MEIS2: variants seen among roughly 807,000 people sequenced by gnomAD.
The protein encoded by MEIS2 is Meis homeobox 2, also known as homeobox protein Meis2.
A neutral mutation model predicts 58.6 loss-of-function variants in MEIS2; 9 were observed. That is an observed-to-expected ratio of 0.15 (90% confidence interval 0.09 to 0.27). MEIS2 has a LOEUF of 0.27. Ranked by LOEUF, MEIS2 falls within the 10% of genes least tolerant of loss-of-function variation. MEIS2 has a pLI of 1.00. For synonymous variants in MEIS2, 221 were observed against 228.4 expected, an observed-to-expected ratio of 0.97 and a Z score of 0.29; for missense variants, 427 against 635.0, an observed-to-expected ratio of 0.67 and a Z score of 3.52.
At chr15:37,058,952 A>C (rs1434583290) in intron 7 of MEIS2, among the ~76,000 whole-genome samples, 1 of 152,172 alleles carries the variant, frequency 6.6e-6, no homozygotes, top group Non-Finnish European at 1.5e-5. Context: ...GAAAAAAATG[A>C]TCTAAAAGAA....
chr15:37,099,190 T>G (rs1463504603), intron 1 of MEIS2: 2 of 1,404,662 alleles, frequency 1.4e-6, no homozygotes, highest in Non-Finnish European at 1.9e-6. Flanking sequence ...CACACACCAC[T>G]CACACGCACT....
intron 9 of MEIS2, among the ~76,000 whole-genome samples, chr15:36,939,282 A>T (rs1056454415): frequency 6.6e-6 from 1 of 152,228 alleles, no homozygotes; most frequent in African/African-American, 2.4e-5. Context: ...ACTAAGAGTT[A>T]TACACTGCGG....
intron 8 of MEIS2, among the ~76,000 whole-genome samples, chr15:36,971,328 G>A (rs2059550148): frequency 6.6e-6 from 1 of 151,784 alleles, no homozygotes; most frequent in Non-Finnish European, 1.5e-5. Context: ...TCTAAGAAAT[G>A]CTTAAGCATC....
intron 8 of MEIS2, among the ~76,000 whole-genome samples, chr15:36,973,585 T>G (rs915044350): frequency 6.6e-6 from 1 of 152,184 alleles, no homozygotes; most frequent in Non-Finnish European, 1.5e-5. Context: ...ACCCAAAGCG[T>G]TCATCTATTT....
chr15:36,916,877 T>A (rs1298012809), intron 9 of MEIS2, among the ~76,000 whole-genome samples: 1 of 151,920 alleles, frequency 6.6e-6, no homozygotes, highest in Non-Finnish European at 1.5e-5. Flanking sequence ...CCCTATGGAG[T>A]GGATAACATT....
At position 37,049,468 on chromosome 15, in the gene MEIS2, G is replaced by GT. The variant is rs965280324; in HGVS notation, c.755-12510dup. On this transcript the variant is annotated intron_variant, in intron 7 of 11. Transcript: ENST00000561208. ...TATATCTCAATAAAGTTGTGGTTTTGTTTTTTTTGTTTTTGTTTTTGTTTT... is the reference window on the plus strand; with the variant it reads ...TATATCTCAATAAAGTTGTGGTTTTGTTTTTTTTTGTTTTTGTTTTTGTTTT... 3.1e-4 allele frequency among the ~76,000 whole-genome samples: 46 copies of GT among 147,634 alleles called. 1 individual carries two copies. The highest frequency in any genetic ancestry group is 1.0e-3 in the African/African-American group (41 of 40,978).
At chr15:37,023,071 T>C (rs1001913089) in intron 8 of MEIS2, among the ~76,000 whole-genome samples, 3 of 152,198 alleles carry the variant, frequency 2.0e-5, no homozygotes, top group Non-Finnish European at 4.4e-5. Flanking sequence ...CTTTATTTTG[T>C]ATATGCTGTT....
intron 7 of MEIS2, among the ~76,000 whole-genome samples, chr15:37,059,999 T>C (rs528545705): frequency 6.6e-6 from 1 of 152,298 alleles, no homozygotes; most frequent in East Asian, 1.9e-4. Context: ...GGCATGATCA[T>C]AGCTCACTGC....
intron 8 of MEIS2, among the ~76,000 whole-genome samples, chr15:36,984,073 A>C (rs1398486640): frequency 6.6e-6 from 1 of 152,044 alleles, no homozygotes; most frequent in Non-Finnish European, 1.5e-5. Flanking sequence ...TTTTGTACAT[A>C]TAAGATTATG....
intron 9 of MEIS2, among the ~76,000 whole-genome samples, chr15:36,943,085 T>C (rs1408298317): frequency 1.3e-5 from 2 of 152,162 alleles, no homozygotes; most frequent in South Asian, 2.1e-4. Context: ...TGACTGGGGC[T>C]AGGAATACTT....
chr15:36,987,407 CAAAAAAAAAAA>C (rs71126250), intron 8 of MEIS2, among the ~76,000 whole-genome samples: 1 of 115,828 alleles, frequency 8.6e-6, no homozygotes, highest in African/African-American at 3.5e-5. Context: ...GACCCTGTCT[CAAAAAAAAAAA>C]AAAAAAAAAA....
At chr15:37,004,017 T>C (rs1392430845) in intron 8 of MEIS2, among the ~76,000 whole-genome samples, 3 of 152,202 alleles carry the variant, frequency 2.0e-5, no homozygotes, top group Non-Finnish European at 4.4e-5. Flanking sequence ...GGTATTTTGT[T>C]ACAGCAGCCA....
intron 2 of MEIS2, among the ~76,000 whole-genome samples, chr15:37,097,640 C>A (rs1423290167): frequency 2.0e-5 from 3 of 152,178 alleles, no homozygotes; most frequent in Admixed American, 1.3e-4. Flanking sequence ...TGTTAGGGAG[C>A]CTGAAACGAG....
chr15:37,039,445 AT>A (rs1334213114), intron 7 of MEIS2, among the ~76,000 whole-genome samples: 1 of 152,176 alleles, frequency 6.6e-6, no homozygotes, highest in Non-Finnish European at 1.5e-5. Context: ...GAATGCACTT[AT>A]TTTAAAAGGT....
At chr15:37,055,845 G>A (rs551355284) in intron 7 of MEIS2, among the ~76,000 whole-genome samples, 9 of 152,258 alleles carry the variant, frequency 5.9e-5, no homozygotes, top group Non-Finnish European at 1.2e-4. Context: ...GGTTATTTAG[G>A]TGCTGCGGAA....
intron 7 of MEIS2, among the ~76,000 whole-genome samples, chr15:37,068,714 T>A (rs1890287865): frequency 6.6e-6 from 1 of 152,144 alleles, no homozygotes; most frequent in Non-Finnish European, 1.5e-5. Flanking sequence ...ACAACATGAC[T>A]AGAAAGAGGT....
intron 9 of MEIS2, among the ~76,000 whole-genome samples, chr15:36,936,658 C>T (rs1277629843): frequency 6.6e-6 from 1 of 152,166 alleles, no homozygotes; most frequent in East Asian, 1.9e-4. Context: ...GTATTCAATG[C>T]ACTTCTTTAA....
chr15:36,946,422 GAAAA>G (rs200972390), intron 9 of MEIS2, among the ~76,000 whole-genome samples: 1 of 71,456 alleles, frequency 1.4e-5, no homozygotes, highest in African/African-American at 4.0e-5. Flanking sequence ...AAGAACTGTA[GAAAA>G]AAAAAAAAAA....
At chr15:37,008,575 T>G in intron 8 of MEIS2, among the ~76,000 whole-genome samples, 1 of 152,196 alleles carries the variant, frequency 6.6e-6, no homozygotes, top group East Asian at 1.9e-4. Context: ...AAAAGTTGAG[T>G]GGGATCTTTA....
Sources: gnomAD v4.1 joint callset for allele counts (sites outside exome capture counted in the v4.1 genomes callset) on GRCh38, gnomAD v4.1.1 for gene constraint, MANE v1.5 for transcripts, NCBI Gene and HGNC (gene_info 2026-07-23, HGNC 2026-07-21) for gene names.